Variants in SLC19A3 observed in about 807,000 individuals in gnomAD.
The protein encoded by SLC19A3 is solute carrier family 19 member 3, also known as thiamine transporter 2.
SLC19A3 carries 31 observed loss-of-function variants against 40.2 expected under a neutral mutation model. The observed-to-expected ratio is 0.77, with a 90% confidence interval of 0.58 to 1.04. The LOEUF is 1.04. Among genes scored for constraint, SLC19A3 ranks in the 50% least tolerant of loss-of-function variants. The probability of loss-of-function intolerance (pLI) is 0.00; values close to 1 mark genes in which losing one functional copy is unlikely to be tolerated. For synonymous variants in SLC19A3, 212 were observed against 227.5 expected, an observed-to-expected ratio of 0.93 and a Z score of 0.61; for missense variants, 592 against 596.7, an observed-to-expected ratio of 0.99 and a Z score of 0.08.
chr2:227,693,174 C>A (rs113079371), intron 4 of SLC19A3, among the ~76,000 whole-genome samples: 75 of 152,044 alleles, frequency 4.9e-4, no homozygotes, highest in African/African-American at 1.8e-3. Context: ...CAAGGATATT[C>A]TTCACAGAAA....
At chr2:227,716,923 G>GA (rs1393843117) in intron 1 of SLC19A3, among the ~76,000 whole-genome samples, 1 of 146,084 alleles carries the variant, frequency 6.8e-6, no homozygotes, top group Admixed American at 6.9e-5. Flanking sequence ...GTGCCTCGAT[G>GA]AAAAAAACAC....
chr2:227,695,047 G>T (rs1695373131), intron 4 of SLC19A3, among the ~76,000 whole-genome samples: 1 of 151,990 alleles, frequency 6.6e-6, no homozygotes, highest in African/African-American at 2.4e-5. Flanking sequence ...GTGAGACCCT[G>T]TCTCAAAAAG....
At chr2:227,706,096 C>T (rs1695929947) in intron 1 of SLC19A3, among the ~76,000 whole-genome samples, 1 of 151,930 alleles carries the variant, frequency 6.6e-6, no homozygotes, top group East Asian at 1.9e-4. Flanking sequence ...AACACATGTC[C>T]CTTATAAACA....
At chr2:227,696,245 G>T (rs1285465950) in intron 3 of SLC19A3, among the ~76,000 whole-genome samples, 164 bp from the exon 4 acceptor site, 1 of 152,180 alleles carries the variant, frequency 6.6e-6, no homozygotes, top group Non-Finnish European at 1.5e-5. Flanking sequence ...CTTTTCTCAA[G>T]CGTGTCTTCT....
At chr2:227,717,081 C>T (rs911695740) in intron 1 of SLC19A3, among the ~76,000 whole-genome samples, 16 of 142,082 alleles carry the variant, frequency 1.1e-4, no homozygotes, top group Admixed American at 1.5e-4. Context: ...TGGCTCACTG[C>T]AACCTTCGCC....
At chr2:227,701,815 C>T (rs1280634591) in intron 2 of SLC19A3, 3 of 206,192 alleles carry the variant, frequency 1.5e-5, no homozygotes, top group Non-Finnish European at 9.8e-6. Flanking sequence ...GCTTATCCCT[C>T]AGCAGCCTGA....
At chr2:227,708,997 G>A (rs1696049331) in intron 1 of SLC19A3, among the ~76,000 whole-genome samples, 2 of 152,104 alleles carry the variant, frequency 1.3e-5, no homozygotes, top group South Asian at 2.1e-4. Context: ...TATATGCATT[G>A]GGGAATCATA....
rs764278369 is a variant in SLC19A3 at position 227,696,079 on chromosome 2, C to T, written c.982G>A (p.Ala328Thr). 17 of 1,503,826 alleles carry T rather than the reference C, an allele frequency of 1.1e-5. No individual in the cohort carries two copies. The highest frequency in any genetic ancestry group is 4.9e-5 in the East Asian group (2 of 41,208). 93.2% of individuals were successfully genotyped at this position (1,503,826 alleles called of 1,614,324 possible). Reference protein sequence around the residue: ...AVEAIATFGGAVAAFAVGYVK... With the variant: ...AVEAIATFGGTVAAFAVGYVK... ...TAACCCACTGCAAAGGCAGCCACAG[C>T]CCCTGAAAAAAAACATTGAAGGCAA... is the stretch of plus-strand genomic sequence containing the variant. The change falls in exon 4 of 6, where the codon GCT (alanine) becomes ACT (threonine). Residue 328 changes from alanine to threonine, a missense_variant and splice_region_variant. Transcript: ENST00000644224.
At chr2:227,705,661 G>C (rs1369921931) in intron 1 of SLC19A3, among the ~76,000 whole-genome samples, 4 of 152,050 alleles carry the variant, frequency 2.6e-5, no homozygotes, top group Non-Finnish European at 4.4e-5. Context: ...AGTGGGAATG[G>C]AATGATGAGA....
At position 227,703,914 on chromosome 2, in the gene SLC19A3, T is replaced by A. The variant is rs932753067; in HGVS notation, c.-2-1594A>T. Among the ~76,000 whole-genome samples the A allele has an allele frequency of 2.6e-4, 40 of 152,158 alleles. No individual in the cohort carries two copies. The highest frequency in any genetic ancestry group is 2.6e-3 in the Admixed American group (39 of 15,268). Reference sequence around the variant, plus strand: ...AGGCTGCTAAAAGCCTGCTGGATTATCTATCTTTTTATTTCTTTAGGTTTC... The same window carrying A: ...AGGCTGCTAAAAGCCTGCTGGATTAACTATCTTTTTATTTCTTTAGGTTTC... On this transcript the variant is annotated intron_variant, in intron 1 of 5. Coordinates refer to ENST00000644224, the MANE Select transcript of SLC19A3 (RefSeq NM_025243.4). This position sits in a 1 kb window ranked among gnomAD's most constrained non-coding sequence, Gnocchi z 4.7.
intron 1 of SLC19A3, among the ~76,000 whole-genome samples, chr2:227,711,775 C>T (rs984688659): frequency 1.3e-5 from 2 of 151,724 alleles, no homozygotes; most frequent in Non-Finnish European, 2.9e-5. Context: ...GGAGGCTGGG[C>T]ACCGTGGCTC....
chr2:227,701,603 C>A (rs59133126), intron 2 of SLC19A3: 6,157 of 148,512 alleles, frequency 0.041, 424 homozygotes, highest in African/African-American at 0.15. Flanking sequence ...GCCTGCACAA[C>A]AGAGTGAGAC....
chr2:227,697,545 A>C (rs533063619), intron 3 of SLC19A3, among the ~76,000 whole-genome samples: 1 of 152,334 alleles, frequency 6.6e-6, no homozygotes, highest in African/African-American at 2.4e-5. Flanking sequence ...TAGAATTGTT[A>C]TAGGTGCATG....
At chr2:227,704,161 G>A (rs1695830990) in intron 1 of SLC19A3, among the ~76,000 whole-genome samples, 1 of 151,986 alleles carries the variant, frequency 6.6e-6, no homozygotes, top group Non-Finnish European at 1.5e-5. Flanking sequence ...GAAGGGTAAG[G>A]GTGAAAAGAG....
chr2:227,697,141 C>G (rs1255810875), intron 3 of SLC19A3, among the ~76,000 whole-genome samples: 1 of 151,926 alleles, frequency 6.6e-6, no homozygotes, highest in Non-Finnish European at 1.5e-5. Flanking sequence ...CACATGTGAT[C>G]ATGACCACAG....
In SLC19A3 at chr2:227,688,157, G is replaced by A. The variant is rs2106318081; in HGVS notation, c.1314+9C>T. The stretch of plus-strand genomic sequence containing the variant: ...TTACCTAGTTGAAAACAGAAGTATT[G>A]CAGCTTACCTGAATGCTGACTGGCA... On this transcript the variant is annotated intron_variant, in intron 5 of 5. Coordinates refer to ENST00000644224, the MANE Select transcript of SLC19A3 (RefSeq NM_025243.4). 1.2e-6 allele frequency: 2 copies of A among 1,613,920 alleles called. No homozygotes were observed. The highest frequency in any genetic ancestry group is 1.7e-6 in the Non-Finnish European group (2 of 1,179,874).
chr2:227,708,970 T>A (rs186952873), intron 1 of SLC19A3, among the ~76,000 whole-genome samples: 1 of 152,304 alleles, frequency 6.6e-6, no homozygotes, highest in East Asian at 1.9e-4. Flanking sequence ...CACACAACAA[T>A]GTTCACGTAT....
chr2:227,710,616 C>T (rs796067424), intron 1 of SLC19A3, among the ~76,000 whole-genome samples: 5 of 151,990 alleles, frequency 3.3e-5, no homozygotes, highest in East Asian at 1.9e-4. Flanking sequence ...AAAAGAAAAA[C>T]GAATCTTACA....
chr2:227,692,369 T>C (rs1328550608), intron 4 of SLC19A3, among the ~76,000 whole-genome samples: 1 of 152,248 alleles, frequency 6.6e-6, no homozygotes, highest in East Asian at 1.9e-4. Flanking sequence ...CTAAGTGGGA[T>C]TTATCCCAGG....
Sources: allele counts gnomAD v4.1 joint callset (sites outside exome capture counted in the v4.1 genomes callset), GRCh38; gene constraint gnomAD v4.1.1; non-coding constraint Gnocchi (gnomAD v3.1); transcripts MANE v1.5; gene names NCBI Gene and HGNC (gene_info 2026-07-23, HGNC 2026-07-21).